DMD: variants seen among roughly 807,000 people sequenced by gnomAD.
DMD encodes the protein mutant dystrophin.
DMD carries 63 observed loss-of-function variants against 330.1 expected under a neutral mutation model. The observed-to-expected ratio is 0.19, with a 90% CI of 0.16 to 0.24. DMD has a LOEUF of 0.24. Among genes scored for constraint, DMD ranks in the 10% least tolerant of loss-of-function variants. The pLI, the probability that DMD is intolerant of heterozygous loss-of-function variation, is 1.00. For synonymous variants in DMD, 1,223 were observed against 959.8 expected (o/e 1.27, Z -5.07); for missense variants, 3,344 against 2,684.1 (o/e 1.25, Z -5.43).
In DMD at chrX:32,733,689, G is replaced by T. The variant is rs762641785; in HGVS notation, c.650-34396C>A. Among the ~76,000 whole-genome samples, 13 of 111,182 alleles carry T rather than the reference G, an allele frequency of 1.2e-4. No individual in the cohort carries two copies. The South Asian group carries it at 4.9e-3, about 42-fold the overall frequency. ...CGGGGTGCATAATGAAATGAAGGCA[G>T]AAATAAAGATGTTCTTTGAAACCAA... On this transcript the variant is annotated intron_variant, in intron 7 of 78. Transcript: ENST00000357033.
intron 30 of DMD, among the ~76,000 whole-genome samples, chrX:32,399,419 C>A (rs1359964447): frequency 9.0e-6 from 1 of 111,178 alleles, no homozygotes; most frequent in Non-Finnish European, 1.9e-5. Context: ...TAAAAATGGG[C>A]AAAATATCTG....
chrX:31,289,138 G>C (rs1299643978), intron 62 of DMD, among the ~76,000 whole-genome samples: 3 of 106,908 alleles, frequency 2.8e-5, no homozygotes, highest in Admixed American at 1.0e-4. Context: ...AATTAGCTGG[G>C]CATGATGGCG....
intron 27 of DMD, among the ~76,000 whole-genome samples, chrX:32,447,913 T>C (rs754196410): frequency 9.0e-6 from 1 of 111,485 alleles, no homozygotes; most frequent in South Asian, 3.6e-4. Context: ...GAAGTTGTGA[T>C]AATACATAAA....
intron 42 of DMD, among the ~76,000 whole-genome samples, chrX:32,289,793 G>C (rs776995622): frequency 8.1e-5 from 9 of 111,312 alleles, no homozygotes; most frequent in Non-Finnish European, 1.3e-4. Flanking sequence ...CTCAGTTCTA[G>C]GAATTGCTGA....
chrX:33,269,322 C>A (rs191958245), intron 1 of DMD, among the ~76,000 whole-genome samples: 2 of 110,957 alleles, frequency 1.8e-5, no homozygotes, highest in African/African-American at 3.3e-5. Context: ...TTATATTAAG[C>A]GAAGTAATGC....
chrX:32,448,086 A>C (rs776639623), intron 27 of DMD, among the ~76,000 whole-genome samples: 1 of 111,089 alleles, frequency 9.0e-6, no homozygotes, highest in East Asian at 2.8e-4. Flanking sequence ...ACATACAAAA[A>C]TAAGAAAAAA....
intron 7 of DMD, among the ~76,000 whole-genome samples, chrX:32,775,828 C>G (rs2074084609): frequency 8.8e-6 from 1 of 113,071 alleles, no homozygotes; most frequent in Non-Finnish European, 1.9e-5. Flanking sequence ...ATTTCTGCAG[C>G]AGGCTTGACT....
chrX:31,288,900 A>C (rs2053435719), intron 62 of DMD, among the ~76,000 whole-genome samples: 1 of 111,705 alleles, frequency 9.0e-6, no homozygotes, highest in African/African-American at 3.3e-5. Flanking sequence ...GAATAATCCA[A>C]AATCTTATTT....
At position 31,824,645 on chromosome X, in the gene DMD, TATAA is replaced by T; in HGVS notation, c.7201-4566_7201-4563del. Reference sequence around the variant, plus strand: ...AGCTTTTATAAATTTAAAATATACTTATAAATAATATATTTTAAAAGGATAAAGC... The same window carrying T: ...AGCTTTTATAAATTTAAAATATACTTATAATATATTTTAAAAGGATAAAGC... On this transcript the variant is annotated intron_variant, in intron 49 of 78. Coordinates refer to ENST00000357033, the MANE Select transcript of DMD (RefSeq NM_004006.3). Among the ~76,000 whole-genome samples the T allele has an allele frequency of 4.5e-5, 5 of 111,275 alleles. 1 individual carries two copies. In the Admixed American group the frequency reaches 4.8e-4, roughly 11 times the overall value.
intron 29 of DMD, among the ~76,000 whole-genome samples, chrX:32,414,938 T>G (rs2098160661): frequency 8.9e-6 from 1 of 111,890 alleles, no homozygotes; most frequent in African/African-American, 3.3e-5. Context: ...AATTTACTAT[T>G]TCAGATAACA....
Position 32,511,432 on chromosome X carries a change from G to A in DMD, c.2292+6576C>T, listed in dbSNP as rs768875534. Among the ~76,000 whole-genome samples the A allele has an allele frequency of 3.9e-5, 4 of 101,889 alleles. No individual in the cohort carries two copies. The East Asian group carries it at 1.3e-3, about 33-fold the overall frequency. 88.5% of individuals were successfully genotyped at this position (101,889 alleles called of 115,157 possible). A position where few individuals can be genotyped will look rare whatever the true frequency, so the allele number is the denominator to read the frequency against. ...AGCTACTCGGGAGGCTGAGGCAGGA[G>A]AATCGCTTGAACCCGGGAGACAGAA... On this transcript the variant is annotated intron_variant, in intron 18 of 78. Coordinates refer to ENST00000357033, the MANE Select transcript of DMD (RefSeq NM_004006.3).
rs1569539278 is a variant in DMD, at chrX:32,887,768, A to AC, written c.94-37949_94-37948insG. Reference sequence around the variant, plus strand: ...CTCAAAAAAAAAAAAAAAAAAAAAAAAAAAAAAACATCAACTAAAAGCTTA... The same window carrying AC: ...CTCAAAAAAAAAAAAAAAAAAAAAAACAAAAAAAACATCAACTAAAAGCTTA... On this transcript the variant is annotated intron_variant, in intron 2 of 78. Coordinates refer to ENST00000357033, the MANE Select transcript of DMD (RefSeq NM_004006.3). Among the ~76,000 whole-genome samples, 32 of 101,943 alleles carry AC rather than the reference A, an allele frequency of 3.1e-4. 1 individual carries two copies. The highest frequency in any genetic ancestry group is 9.4e-4 in the East Asian group (3 of 3,207). 88.5% of individuals were successfully genotyped at this position (101,943 alleles called of 115,157 possible). A position where few individuals can be genotyped will look rare whatever the true frequency, so the allele number is the denominator to read the frequency against.
chrX:32,002,208 A>G (rs2095632048), intron 44 of DMD, among the ~76,000 whole-genome samples: 1 of 111,805 alleles, frequency 8.9e-6, no homozygotes, highest in South Asian at 3.7e-4. Context: ...TTTGTTCTCT[A>G]TGGTGATGTT....
intron 7 of DMD, among the ~76,000 whole-genome samples, chrX:32,731,513 T>A (rs1041144365): frequency 2.7e-5 from 3 of 112,422 alleles, no homozygotes; most frequent in Non-Finnish European, 5.6e-5. Context: ...AATATCCCTG[T>A]CTGACAGCTT....
chrX:32,650,284 T>C (rs1002527473), intron 9 of DMD, among the ~76,000 whole-genome samples: 1 of 111,639 alleles, frequency 9.0e-6, no homozygotes, highest in African/African-American at 3.3e-5. Flanking sequence ...CAAAAACAGT[T>C]TTATTGGTCT....
chrX:32,340,439 G>A (rs958738107), intron 41 of DMD, among the ~76,000 whole-genome samples: 3 of 111,162 alleles, frequency 2.7e-5, no homozygotes, highest in Non-Finnish European at 5.7e-5. Context: ...TCATTATTAC[G>A]TTGTACAAAT....
At chrX:32,287,280 T>A (rs753200412) in intron 43 of DMD, among the ~76,000 whole-genome samples, 1 of 111,921 alleles carries the variant, frequency 8.9e-6, no homozygotes, top group South Asian at 3.7e-4. Context: ...GATTTACGAT[T>A]ACCTGAAATT....
chrX:32,728,674 G>A (rs2067174834), intron 7 of DMD, among the ~76,000 whole-genome samples: 1 of 112,468 alleles, frequency 8.9e-6, no homozygotes, highest in South Asian at 3.6e-4. Flanking sequence ...ATATTAATCA[G>A]TAAGGCAGAT....
At chrX:31,658,941 A>G (rs1479334492) in intron 53 of DMD, among the ~76,000 whole-genome samples, 1 of 112,152 alleles carries the variant, frequency 8.9e-6, no homozygotes, top group Admixed American at 9.5e-5. Context: ...AGATAGTTAT[A>G]TCAAATTCAA....
Sources: gnomAD v4.1 joint callset for allele counts (sites outside exome capture counted in the v4.1 genomes callset) on GRCh38, gnomAD v4.1.1 for gene constraint, MANE v1.5 for transcripts, NCBI Gene and HGNC (gene_info 2026-07-23, HGNC 2026-07-21) for gene names.